Variants in HOOK3 observed in about 807,000 individuals in gnomAD.
The protein encoded by HOOK3 is protein Hook homolog 3.
Under a neutral mutation model 116.3 loss-of-function variants are expected in HOOK3, and 24 were observed. That is an observed-to-expected ratio of 0.21 (90% CI 0.15 to 0.29). The LOEUF (loss-of-function observed/expected upper bound fraction) is 0.29, where lower values mean the gene tolerates loss of function less well. HOOK3 is among the 10% of genes least tolerant of loss of function. The pLI is 1.00. For missense variants in HOOK3, 632 were observed against 830.2 expected (o/e 0.76, Z 2.93); for synonymous variants, 275 against 283.0 (o/e 0.97, Z 0.28).
intron 7 of HOOK3, among the ~76,000 whole-genome samples, chr8:42,958,333 C>T (rs1808472711): frequency 6.6e-6 from 1 of 151,972 alleles, no homozygotes; most frequent in African/African-American, 2.4e-5. Flanking sequence ...ATCTACCACA[C>T]AGAGGTTTGG....
intron 2 of HOOK3, among the ~76,000 whole-genome samples, chr8:42,913,978 C>G (rs1472786947): frequency 1.3e-5 from 2 of 152,130 alleles, no homozygotes; most frequent in Non-Finnish European, 2.9e-5. Context: ...ACGGTAAATG[C>G]TTTGCGCTGA....
intron 14 of HOOK3, among the ~76,000 whole-genome samples, chr8:42,984,279 AAT>A (rs1327617336): frequency 1.3e-5 from 2 of 151,910 alleles, no homozygotes; most frequent in Admixed American, 1.3e-4. Flanking sequence ...GAGGTAGGAG[AAT>A]CACTTGAACC....
chr8:42,953,196 C>T (rs542707368), intron 6 of HOOK3, among the ~76,000 whole-genome samples: 173 of 151,068 alleles, frequency 1.1e-3, no homozygotes, highest in African/African-American at 4.1e-3. Context: ...ATAAGAGGAC[C>T]GCCAACCATT....
intron 4 of HOOK3, among the ~76,000 whole-genome samples, chr8:42,934,139 G>A (rs531312474): frequency 2.0e-4 from 30 of 150,820 alleles, no homozygotes; most frequent in Admixed American, 1.8e-3. Flanking sequence ...CTATTGAACC[G>A]CCTGGGTTAA....
Position 43,029,856 on chromosome 8 carries a change from A to G in HOOK3, c.*11358A>G, listed in dbSNP as rs939970907. On this transcript the variant is annotated 3_prime_UTR_variant, in exon 22 of 22. Transcript: ENST00000307602. ...GCCCCAACTCTGAAGCCTTATATTC[A>G]TGTCTTAAGTACCATTGATTGTTCT... 34 of 213,804 alleles carry G rather than the reference A, an allele frequency of 1.6e-4. No individual in the cohort carries two copies. Among genetic ancestry groups the G allele is most frequent in the Non-Finnish European group, 5.7e-5 (6 of 105,884 alleles). 13.2% of individuals were successfully genotyped at this position (213,804 alleles called of 1,614,324 possible). A position where few individuals can be genotyped will look rare whatever the true frequency, so the allele number is the denominator to read the frequency against.
intron 1 of HOOK3, among the ~76,000 whole-genome samples, chr8:42,899,363 A>G (rs1157253997): frequency 2.0e-5 from 3 of 152,224 alleles, no homozygotes; most frequent in African/African-American, 7.2e-5. Context: ...GAATTTCTGG[A>G]TAAGATTAGA....
chr8:42,981,391 T>C (rs1214191245), intron 13 of HOOK3, among the ~76,000 whole-genome samples: 2 of 152,286 alleles, frequency 1.3e-5, no homozygotes, highest in African/African-American at 4.8e-5. Context: ...GTTTCAGTTA[T>C]TCTGTTATAA....
intron 10 of HOOK3, among the ~76,000 whole-genome samples, chr8:42,967,462 C>T (rs999857876): frequency 1.3e-5 from 2 of 152,170 alleles, no homozygotes; most frequent in African/African-American, 2.4e-5. Context: ...CTAATTCCTT[C>T]TTCAGTGTTC....
chr8:42,925,844 G>A (rs1807755363), intron 3 of HOOK3, among the ~76,000 whole-genome samples: 1 of 152,220 alleles, frequency 6.6e-6, no homozygotes, highest in African/African-American at 2.4e-5. Context: ...CATGGAGCCA[G>A]TGTGCCTGTG....
rs926081395 is a variant in HOOK3, at chr8:43,025,540, A to G, written c.*7042A>G. ...TCAGTAAAAGAGTAAACAAATATCT[A>G]ATTTATTTTCTAATTGTCCTTCCCT... On this transcript the variant is annotated 3_prime_UTR_variant, in exon 22 of 22. Transcript: ENST00000307602. The G allele has an allele frequency of 4.7e-6, 1 of 211,322 alleles. No individual in the cohort carries two copies. The highest frequency in any genetic ancestry group is 9.6e-6 in the Non-Finnish European group (1 of 104,414). 13.1% of individuals were successfully genotyped at this position (211,322 alleles called of 1,614,324 possible).
chr8:42,999,550 G>A (rs1163453693), intron 16 of HOOK3, among the ~76,000 whole-genome samples: 4 of 152,072 alleles, frequency 2.6e-5, no homozygotes, highest in Admixed American at 2.0e-4. Flanking sequence ...TGCATCTCGG[G>A]AATGTGCAAC....
At chr8:42,940,729 G>A (rs1189079069) in intron 4 of HOOK3, among the ~76,000 whole-genome samples, 1 of 151,894 alleles carries the variant, frequency 6.6e-6, no homozygotes, top group African/African-American at 2.4e-5. Context: ...TATGTGTCTT[G>A]GGGTTGCTCT....
chr8:43,025,217 A>T lies in HOOK3; in HGVS notation c.*6719A>T, dbSNP rs1809911828. 1 of 205,588 alleles carries T rather than the reference A, an allele frequency of 4.9e-6. No individual in the cohort carries two copies. Among genetic ancestry groups the T allele is most frequent in the Non-Finnish European group, 9.9e-6 (1 of 100,512 alleles). 12.7% of individuals were successfully genotyped at this position (205,588 alleles called of 1,614,324 possible). A position where few individuals can be genotyped will look rare whatever the true frequency, so the allele number is the denominator to read the frequency against. ...ATAAATATATAGATATAGATCAGGA[A>T]TTACTTGATGTCTCTTCAGAAGTTT... On this transcript the variant is annotated 3_prime_UTR_variant, in exon 22 of 22. Transcript: ENST00000307602.
chr8:42,922,879 CAA>C (rs796695239), intron 2 of HOOK3, among the ~76,000 whole-genome samples: 1,865 of 85,846 alleles, frequency 0.022, 36 homozygotes, highest in African/African-American at 0.069. Flanking sequence ...GACTCTGTCT[CAA>C]AAAAAAAAAA....
At chr8:42,926,363 G>A (rs1019712591) in intron 3 of HOOK3, among the ~76,000 whole-genome samples, 1 of 152,168 alleles carries the variant, frequency 6.6e-6, no homozygotes, top group Admixed American at 6.5e-5. Context: ...TTCGCTCACT[G>A]CAACCTTTGC....
Position 42,968,209 on chromosome 8 carries a change from A to G in HOOK3, c.1117A>G (p.Arg373Gly), listed in dbSNP as rs112957765. The change falls in exon 11 of 22, where the codon AGA becomes GGA. Residue 373 changes from arginine to glycine, a missense_variant. This residue lies in a region of HOOK3 where 483 missense variants were observed against 648.1 expected (regional missense o/e 0.75). Coordinates refer to ENST00000307602, the MANE Select transcript of HOOK3 (RefSeq NM_032410.4). ...GCGAAGTCAACTTGAAACCTACAAGAGACAGGTAAAAGAAACACAGCATCT... is the reference window on the plus strand; with the variant it reads ...GCGAAGTCAACTTGAAACCTACAAGGGACAGGTAAAAGAAACACAGCATCT... ...AARSQLETYK[R>G]QVVELQNRLS... is the part of the protein sequence containing the mutation. 6.2e-7 allele frequency: 1 copy of G among 1,610,646 alleles called. No individual in the cohort carries two copies. Among genetic ancestry groups the G allele is most frequent in the South Asian group, 1.1e-5 (1 of 90,272 alleles).
rs1169743169 is a variant in HOOK3 at position 43,026,615 on chromosome 8, C to T, written c.*8117C>T. On this transcript the variant is annotated 3_prime_UTR_variant, in exon 22 of 22. Coordinates refer to ENST00000307602, the MANE Select transcript of HOOK3 (RefSeq NM_032410.4). The stretch of plus-strand genomic sequence containing the variant: ...TATTCATAAAAATTATCCCATCTTA[C>T]AGTTAATCAGAAGATGTTCTTACCT... The T allele has an allele frequency of 9.1e-6, 2 of 218,974 alleles. No individual in the cohort carries two copies. Among genetic ancestry groups the T allele is most frequent in the African/African-American group, 4.5e-5 (2 of 44,556 alleles). 13.6% of individuals were successfully genotyped at this position (218,974 alleles called of 1,614,324 possible).
Position 43,029,871 on chromosome 8 carries a change from T to C in HOOK3, c.*11373T>C, listed in dbSNP as rs1353896298. 9 of 214,050 alleles carry C rather than the reference T, an allele frequency of 4.2e-5. No individual in the cohort carries two copies. The highest frequency in any genetic ancestry group is 8.5e-5 in the Non-Finnish European group (9 of 105,998). 13.3% of individuals were successfully genotyped at this position (214,050 alleles called of 1,614,324 possible). On this transcript the variant is annotated 3_prime_UTR_variant, in exon 22 of 22. Transcript: ENST00000307602. ...CCTTATATTCATGTCTTAAGTACCA[T>C]TGATTGTTCTGTGAATTGTTGTTAG... is the stretch of plus-strand genomic sequence containing the variant.
At chr8:42,957,271 A>G in intron 7 of HOOK3, 115 bp downstream of exon 7, 1 of 433,570 alleles carries the variant, frequency 2.3e-6, no homozygotes, top group East Asian at 3.7e-5. Context: ...AATTCTTTAT[A>G]TTTTACCTAA....
Sources: gnomAD v4.1 joint callset for allele counts (sites outside exome capture counted in the v4.1 genomes callset) on GRCh38, gnomAD v4.1.1 for gene constraint, gnomAD v4.1.1 regional missense constraint, MANE v1.5 for transcripts, NCBI Gene and HGNC (gene_info 2026-07-23, HGNC 2026-07-21) for gene names.